BRAT1: variants seen among roughly 807,000 people sequenced by gnomAD.
BRAT1 encodes BRCA1 associated ATM activator 1, also known as integrator complex assembly factor BRAT1.
A neutral mutation model predicts 70.6 loss-of-function variants in BRAT1; 74 were observed. The observed-to-expected ratio is 1.05, with a 90% CI of 0.87 to 1.27. The LOEUF (loss-of-function observed/expected upper bound fraction) is 1.27, where lower values mean the gene tolerates loss of function less well. BRAT1 is among the 50% of genes most tolerant of loss of function. The pLI is 0.00. For missense variants in BRAT1, 1,203 were observed against 1,098.2 expected (o/e 1.10, Z -1.35); for synonymous variants, 615 against 517.1 (o/e 1.19, Z -2.57).
intron 3 of BRAT1, among the ~76,000 whole-genome samples, chr7:2,545,845 C>T (rs556095168): frequency 3.3e-5 from 5 of 152,202 alleles, no homozygotes; most frequent in South Asian, 2.1e-4. Flanking sequence ...ATTCACTGTA[C>T]GGCAGCACCC....
At chr7:2,545,363 CAAAAAAAAAAAAAAA>C (rs1185029266) in intron 3 of BRAT1, among the ~76,000 whole-genome samples, 4 of 25,132 alleles carry the variant, frequency 1.6e-4, no homozygotes, top group East Asian at 1.2e-3. Context: ...GACTCCATCT[CAAAAAAAAAAAAAAA>C]AAAAAAAAAA....
At chr7:2,545,936 G>T (rs117120705) in intron 3 of BRAT1, among the ~76,000 whole-genome samples, 5 of 152,246 alleles carry the variant, frequency 3.3e-5, no homozygotes, top group African/African-American at 1.2e-4. Flanking sequence ...CTTAACTGGG[G>T]GGCATCGTGA....
In BRAT1 at chr7:2,543,830, C is replaced by A. The variant is rs768334794; in HGVS notation, c.563G>T (p.Gly188Val). The A allele has an allele frequency of 4.3e-6, 7 of 1,612,978 alleles. No homozygotes were observed. The highest frequency in any genetic ancestry group is 2.2e-5 in the South Asian group (2 of 91,082). The change falls in exon 5 of 14, where the codon GGG (glycine) becomes GTG (valine). Residue 188 changes from glycine (G) to valine (V), a missense_variant. By Grantham distance (109) the Gly-to-Val change is moderately radical. Transcript: ENST00000340611. This position sits in a 1 kb window ranked among gnomAD's most constrained non-coding sequence, Gnocchi z 5.5. ...CTGGGCACACGCGGGCCAGTCACCCCCCGGCAGGCAGGGCTGCCCCTCGGC... is the reference window on the plus strand; with the variant it reads ...CTGGGCACACGCGGGCCAGTCACCCACCGGCAGGCAGGGCTGCCCCTCGGC... ...GGAEGQPCLP[G>V]GDWPACAQKI... is the part of the protein sequence containing the mutation.
chr7:2,546,364 CAGG>C (rs1279767917), intron 3 of BRAT1, among the ~76,000 whole-genome samples: 5 of 152,076 alleles, frequency 3.3e-5, no homozygotes, highest in African/African-American at 1.2e-4. Context: ...CACTTGAGCC[CAGG>C]AGGTCAAGGC....
At chr7:2,546,970 C>T (rs575008994) in intron 3 of BRAT1, among the ~76,000 whole-genome samples, 6 of 151,560 alleles carry the variant, frequency 4.0e-5, no homozygotes, top group Admixed American at 1.3e-4. Context: ...CTCCTGTCTC[C>T]GTCCCAGGAA....
At position 2,554,239 on chromosome 7, in the gene BRAT1, G is replaced by C. The variant is rs113975142; in HGVS notation, c.127+66C>G. Reference sequence around the variant, plus strand: ...ACAGGGGAGTCCCCATCTGGCCCCTGCTCCCTGTCCCAGCCTCTGCGTCTG... The same window carrying C: ...ACAGGGGAGTCCCCATCTGGCCCCTCCTCCCTGTCCCAGCCTCTGCGTCTG... On this transcript the variant is annotated intron_variant, in intron 2 of 13. Coordinates refer to ENST00000340611, the MANE Select transcript of BRAT1 (RefSeq NM_152743.4). The C allele has an allele frequency of 4.2e-5, 66 of 1,583,316 alleles. No individual in the cohort carries two copies. The African/African-American group carries it at 8.4e-4, about 20-fold the overall frequency.
intron 2 of BRAT1, among the ~76,000 whole-genome samples, chr7:2,553,293 A>C (rs372537826): frequency 6.6e-6 from 1 of 152,202 alleles, no homozygotes; most frequent in East Asian, 1.9e-4. Context: ...GGCCTCCCAA[A>C]GTGATGGGAT....
chr7:2,537,956 T>TC lies in BRAT1; in HGVS notation c.*112dup, dbSNP rs1288100562. ...CCTTGCTTCTCTCCTGGTCCTGGCT[T>TC]CCCCAGAGGATCCACCGGGCTGGGC... is the stretch of plus-strand genomic sequence containing the variant. On this transcript the variant is annotated 3_prime_UTR_variant, in exon 14 of 14. Transcript: ENST00000340611. 1.4e-6 allele frequency: 2 copies of TC among 1,386,188 alleles called. No individual in the cohort carries two copies. Among genetic ancestry groups the TC allele is most frequent in the African/African-American group, 2.9e-5 (2 of 68,904 alleles). The allele number at this position is 1,386,188 out of a possible 1,614,324, so 85.9% of individuals were successfully genotyped here.
chr7:2,541,423 C>T lies in BRAT1; in HGVS notation c.1196G>A (p.Arg399Gln), dbSNP rs371360176. 115 of 1,589,128 alleles carry T rather than the reference C, an allele frequency of 7.2e-5. No individual in the cohort carries two copies. The highest frequency in any genetic ancestry group is 2.7e-4 in the Admixed American group (15 of 55,746). The change falls in exon 9 of 14, where the codon CGG becomes CAG. Residue 399 changes from arginine to glutamine, a missense_variant. Coordinates refer to ENST00000340611, the MANE Select transcript of BRAT1 (RefSeq NM_152743.4). ...SLLGATVTVL[R>Q]LCDGSAAPAS... ...AGGGGCAGCCGAGCCGTCACAGAGC[C>T]GCAGGACAGTCACTGTAGCCCCCAG... is the stretch of plus-strand genomic sequence containing the variant.
intron 3 of BRAT1, among the ~76,000 whole-genome samples, chr7:2,545,949 G>A (rs1048581119): frequency 1.3e-5 from 2 of 152,250 alleles, no homozygotes; most frequent in East Asian, 1.9e-4. Context: ...CATCGTGAAC[G>A]GCAAGCTAAC....
chr7:2,543,987 G>A lies in BRAT1; in HGVS notation c.431-25C>T. ...CCTGGGTAGGGGATGGGGGAAGAGA[G>A]GGAAAAGGGGGTGAGCCAGAATAGA... On this transcript the variant is annotated intron_variant, in intron 4 of 13. Coordinates refer to ENST00000340611, the MANE Select transcript of BRAT1 (RefSeq NM_152743.4). The surrounding 1 kb of genome is among the most constrained non-coding windows in gnomAD (Gnocchi z 5.5). 6.5e-7 allele frequency: 1 copy of A among 1,527,844 alleles called. No homozygotes were observed. Among genetic ancestry groups the A allele is most frequent in the Non-Finnish European group, 8.8e-7 (1 of 1,131,508 alleles). The allele number at this position is 1,527,844 out of a possible 1,614,324, so 94.6% of individuals were successfully genotyped here.
At chr7:2,542,053 T>C (rs1779213922) in intron 7 of BRAT1, 67 bp downstream of exon 7, 2 of 1,396,344 alleles carry the variant, frequency 1.4e-6, no homozygotes, top group South Asian at 1.5e-5. Context: ...GCTACTCTCA[T>C]CCATCTCCCT....
Position 2,538,577 on chromosome 7 carries a change from T to C in BRAT1, c.1958A>G (p.Gln653Arg), listed in dbSNP as rs747863539. Residue 653 changes from glutamine to arginine, a missense_variant, in exon 14 of 14, where the codon CAG becomes CGG. Gln to Arg is a conservative substitution (Grantham distance 43). Transcript: ENST00000340611. ...SRDLDWEVRA[Q>R]GLELALVFLG... ...GAACACGAGGGCCAGCTCCAGGCCC[T>C]GGGCGCGGACCTCCCAGTCCAGGTC... 5 of 1,598,892 alleles carry C rather than the reference T, an allele frequency of 3.1e-6. No homozygotes were observed. The highest frequency in any genetic ancestry group is 4.2e-6 in the Non-Finnish European group (5 of 1,178,034).
chr7:2,551,689 A>T (rs1031149756), intron 2 of BRAT1, among the ~76,000 whole-genome samples: 1 of 151,888 alleles, frequency 6.6e-6, no homozygotes, highest in East Asian at 1.9e-4. Context: ...CAAAAAAAAA[A>T]AAAAAGAAAA....
intron 7 of BRAT1, 50 bp from the exon 8 acceptor site, chr7:2,541,886 C>A (rs1173879956): frequency 1.3e-6 from 2 of 1,581,616 alleles, no homozygotes; most frequent in South Asian, 1.1e-5. Context: ...TCAGCCTCCC[C>A]ACGGTCACCA....
chr7:2,550,904 G>C (rs1779957441), intron 2 of BRAT1, among the ~76,000 whole-genome samples: 1 of 152,050 alleles, frequency 6.6e-6, no homozygotes, highest in African/African-American at 2.4e-5. Context: ...TCATACCAGG[G>C]TTCCATGGTG....
Position 2,538,369 on chromosome 7 carries a change from G to A in BRAT1, c.2166C>T (p.Leu722=), listed in dbSNP as rs372332387. The change falls in exon 14 of 14, where the codon CTC becomes CTT. Residue 722 remains leucine (L), a synonymous_variant. Coordinates refer to ENST00000340611, the MANE Select transcript of BRAT1 (RefSeq NM_152743.4). The stretch of plus-strand genomic sequence containing the variant: ...CAATCTTGTCCCTCAGGAAGAGAAG[G>A]AGGTCACAAGACTTCTGCGCCACAG... ...DRPVAQKSCD[L]LLFLRDKIAS... The A allele has an allele frequency of 1.5e-5, 25 of 1,613,392 alleles. No homozygotes were observed. The highest frequency in any genetic ancestry group is 1.9e-5 in the Non-Finnish European group (23 of 1,179,958).
chr7:2,539,900 A>T lies in BRAT1; in HGVS notation c.1396-12T>A, dbSNP rs1337708310. 6.6e-7 allele frequency: 1 copy of T among 1,520,188 alleles called. No individual in the cohort carries two copies. Among genetic ancestry groups the T allele is most frequent in the Admixed American group, 2.2e-5 (1 of 45,428 alleles). The allele number at this position is 1,520,188 out of a possible 1,614,324, so 94.2% of individuals were successfully genotyped here. A position where few individuals can be genotyped will look rare whatever the true frequency, so the allele number is the denominator to read the frequency against. On this transcript the variant is annotated splice_polypyrimidine_tract_variant and intron_variant, in intron 10 of 13. Coordinates refer to ENST00000340611, the MANE Select transcript of BRAT1 (RefSeq NM_152743.4). Reference sequence around the variant, plus strand: ...GCCTTCTTCAGAACCTGGAGCAGATAGGGTGGGCTGCAGGGCCACGGGAGA... The same window carrying T: ...GCCTTCTTCAGAACCTGGAGCAGATTGGGTGGGCTGCAGGGCCACGGGAGA...
intron 1 of BRAT1, 105 bp from the exon 2 acceptor site, chr7:2,554,552 G>C: frequency 2.2e-6 from 3 of 1,336,532 alleles, no homozygotes; most frequent in Non-Finnish European, 3.0e-6. Context: ...AGGGGCCCCA[G>C]AACTTTCATC....
Sources: gnomAD v4.1 joint callset for allele counts (sites outside exome capture counted in the v4.1 genomes callset) on GRCh38, gnomAD v4.1.1 for gene constraint, Gnocchi (gnomAD v3.1) non-coding constraint, MANE v1.5 for transcripts, NCBI Gene and HGNC (gene_info 2026-07-23, HGNC 2026-07-21) for gene names.